Variants in GRIP1 observed in about 807,000 individuals in gnomAD.
The protein encoded by GRIP1 is glutamate receptor-interacting protein 1.
A neutral mutation model predicts 129.9 loss-of-function variants in GRIP1; 45 were observed. The observed-to-expected ratio is 0.35, with a 90% CI of 0.27 to 0.44. GRIP1 has a LOEUF of 0.44. GRIP1 is among the 20% of genes least tolerant of loss of function. The pLI is 1.00. For synonymous variants in GRIP1, 530 were observed against 520.8 expected (o/e 1.02, Z -0.24); for missense variants, 1,196 against 1,396.8 (o/e 0.86, Z 2.29).
At chr12:66,501,725 A>G (rs772997643) in intron 7 of GRIP1, among the ~76,000 whole-genome samples, 2 of 152,220 alleles carry the variant, frequency 1.3e-5, no homozygotes, top group African/African-American at 4.8e-5. Context: ...TGCTAAAATT[A>G]AAGGGATAAT....
At chr12:66,492,909 G>A (rs775137294) in intron 7 of GRIP1, among the ~76,000 whole-genome samples, 22 of 152,002 alleles carry the variant, frequency 1.4e-4, no homozygotes, top group Admixed American at 7.2e-4. Context: ...ACTCAGGAGG[G>A]TGAGGCAGGA....
At chr12:66,962,363 G>T (rs183867604) in intron 1 of GRIP1, among the ~76,000 whole-genome samples, 15 of 152,308 alleles carry the variant, frequency 9.8e-5, no homozygotes, top group Non-Finnish European at 2.2e-4. Flanking sequence ...CAGGAAAAAT[G>T]GGTCAAGTGG....
intron 7 of GRIP1, among the ~76,000 whole-genome samples, chr12:66,503,913 A>C (rs1190645538): frequency 6.6e-6 from 1 of 152,196 alleles, no homozygotes; most frequent in African/African-American, 2.4e-5. Context: ...GGAACTTTTC[A>C]TAGGGATCTT....
At chr12:66,355,847 T>C (rs1164973693) in intron 23 of GRIP1, among the ~76,000 whole-genome samples, 1 of 152,230 alleles carries the variant, frequency 6.6e-6, no homozygotes, top group Non-Finnish European at 1.5e-5. Context: ...GGGCTTGTCC[T>C]GCACCTTATG....
rs183471742 is a variant in GRIP1 at position 66,857,311 on chromosome 12, C to T, written c.58+211739G>A. ...GGTATACATATGTAACAAACCTGCACGTTGTGCACATGTACCCTAAAAGTA... is the reference window on the plus strand; with the variant it reads ...GGTATACATATGTAACAAACCTGCATGTTGTGCACATGTACCCTAAAAGTA... On this transcript the variant is annotated intron_variant, in intron 1 of 1. Transcript: ENST00000643019. Among the ~76,000 whole-genome samples the T allele has an allele frequency of 1.7e-4, 26 of 151,986 alleles. No individual in the cohort carries two copies. In the East Asian group the frequency reaches 5.0e-3, roughly 29 times the overall value.
intron 1 of GRIP1, among the ~76,000 whole-genome samples, chr12:66,775,229 T>C (rs1246504178): frequency 6.6e-6 from 1 of 152,122 alleles, no homozygotes; most frequent in Non-Finnish European, 1.5e-5. Flanking sequence ...GGTGAATGCA[T>C]TAGAAAGCCT....
chr12:66,490,934 G>A (rs141055114), intron 7 of GRIP1, among the ~76,000 whole-genome samples: 62 of 152,282 alleles, frequency 4.1e-4, no homozygotes, highest in African/African-American at 1.3e-3. Flanking sequence ...CAGTCAGAAT[G>A]GCGATTATTA....
intron 1 of GRIP1, among the ~76,000 whole-genome samples, chr12:66,644,836 A>T (rs1366216897): frequency 6.6e-6 from 1 of 152,212 alleles, no homozygotes; most frequent in African/African-American, 2.4e-5. Flanking sequence ...ATACTATGGT[A>T]AATGTTTTCA....
chr12:66,851,732 A>G (rs911891400), intron 1 of GRIP1, among the ~76,000 whole-genome samples: 2 of 152,084 alleles, frequency 1.3e-5, no homozygotes, highest in African/African-American at 4.8e-5. Flanking sequence ...TGGGTAACTT[A>G]ACCAAGCCTC....
At chr12:66,778,216 A>C (rs1252420106) in intron 1 of GRIP1, among the ~76,000 whole-genome samples, 3 of 152,120 alleles carry the variant, frequency 2.0e-5, no homozygotes, top group African/African-American at 7.2e-5. Flanking sequence ...TGAATTTGTG[A>C]TTTGTATTAT....
intron 5 of GRIP1, among the ~76,000 whole-genome samples, chr12:66,520,581 C>T (rs763059191): frequency 6.6e-6 from 1 of 152,208 alleles, no homozygotes; most frequent in Non-Finnish European, 1.5e-5. Context: ...AGTGCCTCCA[C>T]ATACCAGGCA....
At chr12:66,734,299 T>A (rs1269738447) in intron 1 of GRIP1, among the ~76,000 whole-genome samples, 1 of 152,200 alleles carries the variant, frequency 6.6e-6, no homozygotes, top group Non-Finnish European at 1.5e-5. Context: ...ACTATGCGCT[T>A]TTCCTTGCTT....
intron 24 of GRIP1, among the ~76,000 whole-genome samples, chr12:66,352,124 G>C (rs1045818645): frequency 1.3e-5 from 2 of 152,170 alleles, no homozygotes; most frequent in African/African-American, 4.8e-5. Context: ...TGAGAATAGA[G>C]TGGAGAATAA....
At chr12:66,502,351 C>T (rs1000188326) in intron 7 of GRIP1, among the ~76,000 whole-genome samples, 3 of 152,186 alleles carry the variant, frequency 2.0e-5, no homozygotes, top group Non-Finnish European at 4.4e-5. Context: ...AACTACTCAT[C>T]ACCATGGTAC....
At chr12:67,005,419 A>G (rs1164402664) in intron 1 of GRIP1, among the ~76,000 whole-genome samples, 1 of 152,226 alleles carries the variant, frequency 6.6e-6, no homozygotes, top group Non-Finnish European at 1.5e-5. Flanking sequence ...ATATCATCTG[A>G]CATTCACTGT....
Position 66,517,977 on chromosome 12 carries a change from C to T in GRIP1, c.503-1G>A. 6.4e-7 allele frequency: 1 copy of T among 1,571,580 alleles called. No homozygotes were observed. Among genetic ancestry groups the T allele is most frequent in the Non-Finnish European group, 8.8e-7 (1 of 1,141,612 alleles). On this transcript the variant is annotated splice_acceptor_variant, in intron 5 of 24. Transcript: ENST00000359742. LOFTEE classifies it high-confidence loss of function. ...TTATTTCTATCATCATGTGCTCCCCCTAGCAAAGAAAAGGAACAGAGCTTA... is the reference window on the plus strand; with the variant it reads ...TTATTTCTATCATCATGTGCTCCCCTTAGCAAAGAAAAGGAACAGAGCTTA...
intron 1 of GRIP1, among the ~76,000 whole-genome samples, chr12:66,901,852 T>C (rs78715118): frequency 2.0e-3 from 298 of 152,306 alleles, no homozygotes; most frequent in African/African-American, 5.3e-3. Context: ...TAAAGTTCCA[T>C]TGAGTGTTCC....
intron 19 of GRIP1, among the ~76,000 whole-genome samples, chr12:66,382,886 A>C (rs2056180173): frequency 6.6e-6 from 1 of 152,208 alleles, no homozygotes; most frequent in South Asian, 2.1e-4. Context: ...ACTAATATGG[A>C]AGGACAGAGA....
At chr12:66,625,430 A>C (rs1268342686) in intron 1 of GRIP1, among the ~76,000 whole-genome samples, 1 of 152,212 alleles carries the variant, frequency 6.6e-6, no homozygotes, top group Non-Finnish European at 1.5e-5. Context: ...CTGAGAATTT[A>C]CAGTGCTTTA....
Sources: allele counts gnomAD v4.1 joint callset (sites outside exome capture counted in the v4.1 genomes callset), GRCh38; gene constraint gnomAD v4.1.1; transcripts MANE v1.5; gene names NCBI Gene and HGNC (gene_info 2026-07-23, HGNC 2026-07-21).